The following SPC25 variants were observed in gnomAD, a reference collection of about 807,000 sequenced individuals.
The protein encoded by SPC25 is kinetochore protein Spc25.
SPC25 carries 22 observed loss-of-function variants against 29.6 expected under a neutral mutation model. That is an observed-to-expected ratio of 0.74 (90% CI 0.53 to 1.06). SPC25 has a LOEUF of 1.06. Among genes scored for constraint, SPC25 ranks in the 50% least tolerant of loss-of-function variants. SPC25 has a pLI of 0.00. For synonymous variants in SPC25, 91 were observed against 90.4 expected (o/e 1.01, Z -0.04); for missense variants, 230 against 255.8 (o/e 0.90, Z 0.69).
In SPC25 at chr2:168,873,590, T is replaced by C; in HGVS notation, c.545A>G (p.Tyr182Cys). ...FSLHLNEARD[Y>C]EVSDSAPHLE... is the part of the protein sequence containing the mutation. ...TAGGAGATATTAGTACATACCTTCATAGTCCCTTGCTTCATTGAGATGTAA... is the reference window on the plus strand; with the variant it reads ...TAGGAGATATTAGTACATACCTTCACAGTCCCTTGCTTCATTGAGATGTAA... Residue 182 changes from tyrosine (Y) to cysteine (C), a missense_variant, in exon 6 of 7, where the codon TAT (tyrosine) becomes TGT (cysteine). Tyr to Cys is a radical substitution (Grantham distance 194). Coordinates refer to ENST00000282074, the MANE Select transcript of SPC25 (RefSeq NM_020675.4). 6.2e-7 allele frequency: 1 copy of C among 1,604,496 alleles called. No homozygotes were observed. The highest frequency in any genetic ancestry group is 8.5e-7 in the Non-Finnish European group (1 of 1,171,940).
chr2:168,889,114 C>CAA (rs1690346207), intron 3 of SPC25, 112 bp downstream of exon 3: 1 of 696,542 alleles, frequency 1.4e-6, no homozygotes, highest in Non-Finnish European at 2.3e-6. Flanking sequence ...TACACACACA[C>CAA]AACATATACA....
intron 5 of SPC25, among the ~76,000 whole-genome samples, chr2:168,874,650 A>T (rs1477903225): frequency 6.6e-6 from 1 of 152,060 alleles, no homozygotes; most frequent in Non-Finnish European, 1.5e-5. Context: ...ATTACAGCAA[A>T]AGGATATAGC....
downstream of SPC25, among the ~76,000 whole-genome samples, chr2:168,867,680 A>T (rs1278717331): frequency 4.6e-5 from 7 of 152,278 alleles, no homozygotes; most frequent in Non-Finnish European, 1.0e-4. Context: ...CAACAAGAAG[A>T]ACTAACTATC....
At chr2:168,861,866 ACT>A (rs1689471717) in intron 4 of SPC25, 1 of 1,108,776 alleles carries the variant, frequency 9.0e-7, no homozygotes, top group South Asian at 1.4e-5. Flanking sequence ...ATATATTGAA[ACT>A]CTGCATCACA....
Position 168,877,332 on chromosome 2 carries a change from T to C in SPC25, c.252A>G (p.Lys84=), listed in dbSNP as rs1559154842. Residue 84 remains lysine, a synonymous_variant, in exon 4 of 7, where the codon AAA becomes AAG. Transcript: ENST00000282074. The part of the protein sequence containing the change: ...LIQEKKDNLL[K]LIAEVKGKKQ... ...TTTTGCCTTTTACTTCAGCAATCAA[T>C]TTTAACAAGTTATCCTTTTTTTCTT... 2.7e-5 allele frequency: 44 copies of C among 1,613,762 alleles called. No homozygotes were observed. The highest frequency in any genetic ancestry group is 3.7e-5 in the Non-Finnish European group (44 of 1,179,884).
Position 168,877,398 on chromosome 2 carries a change from A to C in SPC25, c.200-14T>G, listed in dbSNP as rs370467942. On this transcript the variant is annotated splice_polypyrimidine_tract_variant and intron_variant, in intron 3 of 6. Coordinates refer to ENST00000282074, the MANE Select transcript of SPC25 (RefSeq NM_020675.4). ...GCCTGCTGATCTCTGTAAGAAGCAC[A>C]AGGTATTAGCTAGAATATGCTTGGC... is the stretch of plus-strand genomic sequence containing the variant. 4.3e-5 allele frequency: 70 copies of C among 1,613,480 alleles called. No homozygotes were observed. The African/African-American group carries it at 8.4e-4, about 19-fold the overall frequency.
chr2:168,864,239 C>A (rs1445628584), intron 4 of SPC25, among the ~76,000 whole-genome samples: 2 of 151,074 alleles, frequency 1.3e-5, no homozygotes, highest in Admixed American at 6.6e-5. Context: ...GGCCTCCCAA[C>A]GTGCTGGGAT....
At chr2:168,869,359 C>A (rs1180009807), downstream of SPC25, among the ~76,000 whole-genome samples, 1 of 152,070 alleles carries the variant, frequency 6.6e-6, no homozygotes, top group Non-Finnish European at 1.5e-5. Flanking sequence ...CTGGCCAGGG[C>A]AATCAGGCAG....
chr2:168,875,682 A>G (rs1350755560), intron 5 of SPC25, among the ~76,000 whole-genome samples: 1 of 152,152 alleles, frequency 6.6e-6, no homozygotes, highest in Non-Finnish European at 1.5e-5. Flanking sequence ...AAATGTTGGT[A>G]GAAGCAAAAT....
chr2:168,862,582 T>G (rs1288545588), intron 4 of SPC25, among the ~76,000 whole-genome samples: 3 of 152,210 alleles, frequency 2.0e-5, no homozygotes, highest in Admixed American at 6.5e-5. Flanking sequence ...GTCAGCTGAC[T>G]CCCAGCTTAG....
chr2:168,875,618 C>T lies in SPC25; in HGVS notation c.451+454G>A, dbSNP rs1245724207. On this transcript the variant is annotated intron_variant, in intron 5 of 6. Transcript: ENST00000282074. Reference sequence around the variant, plus strand: ...ACGGTTGAACATGGGTAACAGAAACCGTGAATAAGTGGGGATGACTGTATT... The same window carrying T: ...ACGGTTGAACATGGGTAACAGAAACTGTGAATAAGTGGGGATGACTGTATT... Among the ~76,000 whole-genome samples, 9 of 151,854 alleles carry T rather than the reference C, an allele frequency of 5.9e-5. No individual in the cohort carries two copies. The South Asian group carries it at 8.3e-4, about 14-fold the overall frequency.
At chr2:168,875,643 T>C (rs1005616680) in intron 5 of SPC25, among the ~76,000 whole-genome samples, 4 of 152,102 alleles carry the variant, frequency 2.6e-5, no homozygotes, top group Admixed American at 1.3e-4. Context: ...ATGACTGTAT[T>C]TCTAAAACTG....
intron 3 of SPC25, among the ~76,000 whole-genome samples, chr2:168,888,763 G>C (rs981414130): frequency 2.7e-5 from 4 of 148,620 alleles, no homozygotes; most frequent in Admixed American, 1.3e-4. Flanking sequence ...CTATATATAT[G>C]TATATATATA....
At chr2:168,888,927 G>A (rs1451976753) in intron 3 of SPC25, among the ~76,000 whole-genome samples, 2 of 25,798 alleles carry the variant, frequency 7.8e-5, no homozygotes, top group Non-Finnish European at 1.4e-4. Flanking sequence ...ACATGTACGT[G>A]TGTGTGTGTG....
intron 3 of SPC25, among the ~76,000 whole-genome samples, chr2:168,882,274 GT>G (rs1690188690): frequency 6.6e-6 from 1 of 152,178 alleles, no homozygotes; most frequent in African/African-American, 2.4e-5. Context: ...ACACTCAGCA[GT>G]TCAGTAACTT....
At chr2:168,869,802 A>G (rs1689945096), downstream of SPC25, among the ~76,000 whole-genome samples, 1 of 152,184 alleles carries the variant, frequency 6.6e-6, no homozygotes, top group Non-Finnish European at 1.5e-5. Context: ...TATAGATTCA[A>G]TGCCATCCCC....
At chr2:168,879,806 T>G (rs1033948962) in intron 3 of SPC25, among the ~76,000 whole-genome samples, 4 of 152,228 alleles carry the variant, frequency 2.6e-5, no homozygotes, top group African/African-American at 9.6e-5. Flanking sequence ...AACTACCCCT[T>G]GATCCATGGG....
At chr2:168,867,031 T>C (rs1435661546), downstream of SPC25, among the ~76,000 whole-genome samples, 1 of 152,162 alleles carries the variant, frequency 6.6e-6, no homozygotes, top group Non-Finnish European at 1.5e-5. Flanking sequence ...TTGGTGGGAC[T>C]GTAAACTAGT....
chr2:168,867,171 C>T (rs971837682), downstream of SPC25, among the ~76,000 whole-genome samples: 1 of 152,136 alleles, frequency 6.6e-6, no homozygotes, highest in Admixed American at 6.5e-5. Context: ...AAGACACATG[C>T]ACATGTATGT....
Sources: gnomAD v4.1 joint callset for allele counts (sites outside exome capture counted in the v4.1 genomes callset) on GRCh38, gnomAD v4.1.1 for gene constraint, MANE v1.5 for transcripts, NCBI Gene and HGNC (gene_info 2026-07-23, HGNC 2026-07-21) for gene names.